FSTL4: variants seen among roughly 807,000 people sequenced by gnomAD.
FSTL4 encodes the protein follistatin-related protein 4.
FSTL4 carries 28 observed loss-of-function variants against 78.2 expected under a neutral mutation model. The ratio of observed to expected loss-of-function variants is 0.36; its 90% confidence interval spans 0.27 to 0.49. The LOEUF is 0.49. FSTL4 is among the 20% of genes least tolerant of loss of function. FSTL4 has a pLI of 0.98. For synonymous variants in FSTL4, 422 were observed against 440.5 expected, an observed-to-expected ratio of 0.96 and a Z score of 0.53; for missense variants, 922 against 1,084.9, an observed-to-expected ratio of 0.85 and a Z score of 2.11.
intron 2 of FSTL4, among the ~76,000 whole-genome samples, chr5:133,573,340 T>C (rs1254235536): frequency 1.3e-5 from 2 of 152,188 alleles, no homozygotes; most frequent in Non-Finnish European, 1.5e-5. Flanking sequence ...AACTATATGC[T>C]GCCTACAAGA....
intron 11 of FSTL4, among the ~76,000 whole-genome samples, chr5:133,223,223 T>C (rs1286036622): frequency 6.6e-6 from 1 of 152,260 alleles, no homozygotes; most frequent in African/African-American, 2.4e-5. Flanking sequence ...CGACTGTTGC[T>C]ATTGACAGCA....
At chr5:133,281,967 G>C (rs937175303) in intron 6 of FSTL4, among the ~76,000 whole-genome samples, 1 of 152,142 alleles carries the variant, frequency 6.6e-6, no homozygotes, top group African/African-American at 2.4e-5. Context: ...CTATCAGGTG[G>C]GTGGAACTGG....
the FSTL4 span, among the ~76,000 whole-genome samples, chr5:133,770,606 T>C: frequency 6.6e-6 from 1 of 152,218 alleles, no homozygotes; most frequent in Non-Finnish European, 1.5e-5. Context: ...GCCTTACAGA[T>C]CCTAGATATT....
intron 4 of FSTL4, among the ~76,000 whole-genome samples, chr5:133,400,510 G>A (rs551178065): frequency 6.6e-6 from 1 of 152,320 alleles, no homozygotes; most frequent in South Asian, 2.1e-4. Flanking sequence ...TGACCTGCCT[G>A]GATTCTACTC....
In FSTL4 at chr5:133,198,481, T is replaced by G. The variant is rs1750208163; in HGVS notation, c.*614A>C. On this transcript the variant is annotated 3_prime_UTR_variant, in exon 16 of 16. Transcript: ENST00000265342. ...TTACTAGCATTTGAGATTATAAAAT[T>G]TTTTTTTAATCAAAAATTTCCAAAA... 1 of 152,276 alleles carries G rather than the reference T, an allele frequency of 6.6e-6. No individual in the cohort carries two copies. Among genetic ancestry groups the G allele is most frequent in the Non-Finnish European group, 1.5e-5 (1 of 67,998 alleles). The allele number at this position is 152,276 out of a possible 1,614,324, so 9.4% of individuals were successfully genotyped here.
the FSTL4 span, among the ~76,000 whole-genome samples, chr5:133,633,361 C>CA: frequency 6.6e-6 from 1 of 152,146 alleles, no homozygotes. Flanking sequence ...GTTCTATCTT[C>CA]AAACTCACTA....
At chr5:133,710,467 G>T in the FSTL4 span, among the ~76,000 whole-genome samples, 1 of 152,286 alleles carries the variant, frequency 6.6e-6, no homozygotes, top group Admixed American at 6.5e-5. Flanking sequence ...GATGATAACT[G>T]GGATGAGTGT....
chr5:133,485,901 G>A (rs1758123102), intron 3 of FSTL4, among the ~76,000 whole-genome samples: 1 of 152,200 alleles, frequency 6.6e-6, no homozygotes, highest in Non-Finnish European at 1.5e-5. Context: ...GCTTCTTCCA[G>A]AAAACAAACT....
chr5:133,518,579 A>G (rs1758910064), intron 3 of FSTL4, among the ~76,000 whole-genome samples: 1 of 152,212 alleles, frequency 6.6e-6, no homozygotes, highest in South Asian at 2.1e-4. Flanking sequence ...CTATAGTTCT[A>G]AAGATCTGAA....
chr5:133,254,419 G>A (rs1752333956), intron 6 of FSTL4, among the ~76,000 whole-genome samples: 1 of 152,254 alleles, frequency 6.6e-6, no homozygotes, highest in Admixed American at 6.5e-5. Flanking sequence ...ACTGAGTATT[G>A]TGCAGGTGTG....
At chr5:133,287,899 A>T (rs1290563947) in intron 6 of FSTL4, among the ~76,000 whole-genome samples, 1 of 152,082 alleles carries the variant, frequency 6.6e-6, no homozygotes, top group Non-Finnish European at 1.5e-5. Flanking sequence ...GCCACATCAC[A>T]AGCACTCTGC....
At chr5:133,702,805 G>T in the FSTL4 span, among the ~76,000 whole-genome samples, 1 of 152,218 alleles carries the variant, frequency 6.6e-6, no homozygotes, top group South Asian at 2.1e-4. Flanking sequence ...TTCCAGGGCA[G>T]GGCTGTTCGT....
the FSTL4 span, among the ~76,000 whole-genome samples, chr5:133,696,853 G>T: frequency 6.6e-6 from 1 of 151,646 alleles, no homozygotes; most frequent in Non-Finnish European, 1.5e-5. Context: ...TGAAAATTAT[G>T]CTGTGAAATC....
At chr5:133,487,764 C>T (rs1758166547) in intron 3 of FSTL4, among the ~76,000 whole-genome samples, 1 of 152,126 alleles carries the variant, frequency 6.6e-6, no homozygotes, top group Non-Finnish European at 1.5e-5. Flanking sequence ...CAGCAACTGC[C>T]CCACTGAGCT....
chr5:133,650,674 T>C, the FSTL4 span, among the ~76,000 whole-genome samples: 3 of 152,198 alleles, frequency 2.0e-5, no homozygotes, highest in African/African-American at 7.2e-5. Context: ...TAAAACACTG[T>C]CTTGATTACT....
the FSTL4 span, among the ~76,000 whole-genome samples, chr5:133,767,793 A>G: frequency 2.0e-5 from 3 of 152,196 alleles, no homozygotes. Context: ...GCAGCTGTGC[A>G]AAGAAGCAGA....
chr5:133,264,203 G>A (rs1752595450), intron 6 of FSTL4, among the ~76,000 whole-genome samples: 1 of 152,188 alleles, frequency 6.6e-6, no homozygotes, highest in South Asian at 2.1e-4. Flanking sequence ...TACCAATAGT[G>A]GCGCTGTTGA....
the FSTL4 span, among the ~76,000 whole-genome samples, chr5:133,807,978 T>G: frequency 6.6e-6 from 1 of 152,100 alleles, no homozygotes; most frequent in African/African-American, 2.4e-5. Flanking sequence ...TGCCTTGGAT[T>G]TTTTCTGCTT....
At chr5:133,528,167 T>C (rs1040856546) in intron 3 of FSTL4, among the ~76,000 whole-genome samples, 1 of 152,212 alleles carries the variant, frequency 6.6e-6, no homozygotes, top group Admixed American at 6.5e-5. Context: ...GACACACTAT[T>C]ATGGCTCTAA....
Sources: allele counts gnomAD v4.1 joint callset (sites outside exome capture counted in the v4.1 genomes callset), GRCh38; gene constraint gnomAD v4.1.1; transcripts MANE v1.5; gene names NCBI Gene and HGNC (gene_info 2026-07-23, HGNC 2026-07-21).